Variants in FKTN observed in about 807,000 individuals in gnomAD.
The protein encoded by FKTN is fukutin.
In FKTN, 47 loss-of-function variants were observed where a neutral mutation model predicts 58.6. The observed-to-expected ratio is 0.80, with a 90% confidence interval of 0.63 to 1.02. FKTN has a LOEUF of 1.02. Ranked by LOEUF, FKTN falls within the 50% of genes least tolerant of loss-of-function variation. The pLI, the probability that FKTN is intolerant of heterozygous loss-of-function variation, is 0.00. For missense variants in FKTN, 516 were observed against 537.3 expected, an observed-to-expected ratio of 0.96 and a Z score of 0.39; for synonymous variants, 178 against 191.9, an observed-to-expected ratio of 0.93 and a Z score of 0.60.
chr9:105,614,822 T>C (rs1263847958), intron 7 of FKTN, among the ~76,000 whole-genome samples: 2 of 152,078 alleles, frequency 1.3e-5, no homozygotes, highest in South Asian at 2.1e-4. Flanking sequence ...AACTGTAAAA[T>C]GTGGTTTTTA....
rs910384033 is a variant in FKTN, at chr9:105,638,189, G to A, written c.*2925G>A. On this transcript the variant is annotated 3_prime_UTR_variant, in exon 11 of 11. Transcript: ENST00000357998. ...TGCCGTGACTCCTAGTCCAATGTCT[G>A]TTTCGCATCACAACACAGTATCTTT... 6.1e-6 allele frequency: 6 copies of A among 985,256 alleles called. No individual in the cohort carries two copies. The Admixed American group carries it at 3.1e-4, about 51-fold the overall frequency. 61.0% of individuals were successfully genotyped at this position (985,256 alleles called of 1,614,324 possible). A position where few individuals can be genotyped will look rare whatever the true frequency, so the allele number is the denominator to read the frequency against.
chr9:105,586,133 T>C (rs1428963843), intron 3 of FKTN, among the ~76,000 whole-genome samples: 1 of 152,204 alleles, frequency 6.6e-6, no homozygotes, highest in East Asian at 1.9e-4. Flanking sequence ...AGAACTACTC[T>C]TGGTCCTAGC....
intron 10 of FKTN, chr9:105,623,182 T>C (rs1832242951): frequency 6.6e-6 from 1 of 152,172 alleles, no homozygotes; most frequent in South Asian, 2.1e-4. Flanking sequence ...CCTTCCCATT[T>C]TGAATCAACT....
rs577846496 is a variant in FKTN, at chr9:105,589,529, A to G, written c.106-7069A>G. On this transcript the variant is annotated intron_variant, in intron 3 of 10. Coordinates refer to ENST00000357998, the MANE Select transcript of FKTN (RefSeq NM_001079802.2). ...AAAAAAACTGGGGGGGGCGGGTACT[A>G]ACAAAATGGTATAATCTTCAGGCCC... 3.6e-3 allele frequency among the ~76,000 whole-genome samples: 544 copies of G among 151,894 alleles called. 5 individuals are homozygous for G. The highest frequency in any genetic ancestry group is 0.013 in the African/African-American group (524 of 41,314).
At chr9:105,608,113 T>TA (rs1332473229) in intron 7 of FKTN, among the ~76,000 whole-genome samples, 162 bp downstream of exon 7, 1 of 152,226 alleles carries the variant, frequency 6.6e-6, no homozygotes, top group African/African-American at 2.4e-5. Context: ...CAGTTTTTTT[T>TA]AGAAGTAGAT....
intron 3 of FKTN, among the ~76,000 whole-genome samples, chr9:105,575,841 A>G (rs1454376386): frequency 2.0e-5 from 3 of 152,154 alleles, no homozygotes; most frequent in African/African-American, 7.2e-5. Flanking sequence ...CCCCTCCTCA[A>G]CTAGAATGGA....
intron 1 of FKTN, among the ~76,000 whole-genome samples, chr9:105,559,999 G>A (rs1837989419): frequency 6.6e-6 from 1 of 152,162 alleles, no homozygotes; most frequent in Non-Finnish European, 1.5e-5. Flanking sequence ...GCCCAGTGTT[G>A]TTATTAAGCT....
At position 105,639,872 on chromosome 9, in the gene FKTN, C is replaced by G; in HGVS notation, c.*4608C>G. On this transcript the variant is annotated 3_prime_UTR_variant, in exon 11 of 11. Coordinates refer to ENST00000357998, the MANE Select transcript of FKTN (RefSeq NM_001079802.2). Reference sequence around the variant, plus strand: ...TACTTCACTAGATTTGGTACCTGCTCTCCCCTGGACTTCTTTTTCAATATT... The same window carrying G: ...TACTTCACTAGATTTGGTACCTGCTGTCCCCTGGACTTCTTTTTCAATATT... 1 of 1,361,786 alleles carries G rather than the reference C, an allele frequency of 7.3e-7. No individual in the cohort carries two copies. Among genetic ancestry groups the G allele is most frequent in the South Asian group, 1.9e-5 (1 of 53,918 alleles). The allele number at this position is 1,361,786 out of a possible 1,614,324, so 84.4% of individuals were successfully genotyped here. A position where few individuals can be genotyped will look rare whatever the true frequency, so the allele number is the denominator to read the frequency against.
At chr9:105,596,863 A>G in intron 4 of FKTN, 1 of 576,354 alleles carries the variant, frequency 1.7e-6, no homozygotes, top group Non-Finnish European at 3.1e-6. Context: ...TTAAGAAGTG[A>G]GTAAATATTG....
At chr9:105,604,859 G>A (rs569940248) in intron 6 of FKTN, among the ~76,000 whole-genome samples, 2 of 152,022 alleles carry the variant, frequency 1.3e-5, no homozygotes, top group African/African-American at 4.8e-5. Context: ...GGGAGGCTGA[G>A]GAAGGAGAAT....
intron 7 of FKTN, 126 bp from the exon 8 acceptor site, chr9:105,615,152 G>C: frequency 9.9e-7 from 1 of 1,006,852 alleles, no homozygotes; most frequent in East Asian, 2.5e-5. Flanking sequence ...CCAAAGTTCT[G>C]GGGTTACAGG....
At chr9:105,593,279 A>G (rs1379511585) in intron 3 of FKTN, among the ~76,000 whole-genome samples, 1 of 152,136 alleles carries the variant, frequency 6.6e-6, no homozygotes, top group African/African-American at 2.4e-5. Context: ...AGATCTCAGG[A>G]TAACTCACTC....
intron 1 of FKTN, among the ~76,000 whole-genome samples, chr9:105,573,405 C>T (rs1326498010): frequency 6.6e-6 from 1 of 152,140 alleles, no homozygotes; most frequent in Non-Finnish European, 1.5e-5. Context: ...AGGAGGTTCT[C>T]TTGAGGCTGG....
chr9:105,616,421 C>A (rs1830827251), intron 8 of FKTN, among the ~76,000 whole-genome samples: 2 of 152,104 alleles, frequency 1.3e-5, no homozygotes, highest in Admixed American at 1.3e-4. Flanking sequence ...TTGGTAGTAT[C>A]ACTAACTAGA....
chr9:105,576,457 G>T (rs1336838242), intron 3 of FKTN, among the ~76,000 whole-genome samples: 3 of 151,080 alleles, frequency 2.0e-5, no homozygotes, highest in Non-Finnish European at 2.9e-5. Context: ...TGAGAATGAT[G>T]ATTTCCAATT....
intron 3 of FKTN, among the ~76,000 whole-genome samples, chr9:105,579,993 G>A (rs966371783): frequency 6.6e-5 from 10 of 151,656 alleles, no homozygotes; most frequent in Admixed American, 2.0e-4. Context: ...TGCAACCCCT[G>A]CCTTTTTTTG....
At chr9:105,577,252 G>C (rs1278196208) in intron 3 of FKTN, among the ~76,000 whole-genome samples, 2 of 147,744 alleles carry the variant, frequency 1.4e-5, no homozygotes, top group Admixed American at 1.3e-4. Flanking sequence ...CCATGCCTAT[G>C]TCCTGAATGG....
intron 4 of FKTN, 82 bp downstream of exon 4, chr9:105,596,739 T>C: frequency 9.6e-7 from 1 of 1,044,182 alleles, no homozygotes; most frequent in East Asian, 2.4e-5. Flanking sequence ...TGTTGAATGA[T>C]GGCAATAATA....
At chr9:105,616,435 C>T (rs191961547) in intron 8 of FKTN, among the ~76,000 whole-genome samples, 1 of 152,146 alleles carries the variant, frequency 6.6e-6, no homozygotes, top group Admixed American at 6.5e-5. Context: ...AACTAGACAT[C>T]ACTGTTCATC....
Sources: gnomAD v4.1 joint callset for allele counts (sites outside exome capture counted in the v4.1 genomes callset) on GRCh38, gnomAD v4.1.1 for gene constraint, MANE v1.5 for transcripts, NCBI Gene and HGNC (gene_info 2026-07-23, HGNC 2026-07-21) for gene names.